AFG1L: variants seen among roughly 807,000 people sequenced by gnomAD.
AFG1L encodes the protein AFG1-like ATPase.
Under a neutral mutation model 62.2 loss-of-function variants are expected in AFG1L, and 53 were observed. The observed-to-expected ratio is 0.85, with a 90% CI of 0.68 to 1.07. The LOEUF (loss-of-function observed/expected upper bound fraction) is 1.07. Ranked by LOEUF, AFG1L falls within the 50% of genes least tolerant of loss-of-function variation. AFG1L has a pLI of 0.00. For missense variants in AFG1L, 555 were observed against 590.5 expected, an observed-to-expected ratio of 0.94 and a Z score of 0.62; for synonymous variants, 228 against 210.3, an observed-to-expected ratio of 1.08 and a Z score of -0.73.
intron 8 of AFG1L, among the ~76,000 whole-genome samples, chr6:108,460,261 AAGAG>A (rs890168755): frequency 1.3e-5 from 2 of 150,248 alleles, no homozygotes; most frequent in Non-Finnish European, 3.0e-5. Flanking sequence ...AAATAAGAAA[AAGAG>A]AGAGAGATGG....
chr6:108,443,456 TCA>T lies in AFG1L; in HGVS notation c.808-3756_808-3755del, dbSNP rs780533553. ...ACATTCAAGGAGTGGGACATAGACT[TCA>T]CTTCTTGATAACTGGAATATCAACA... is the stretch of plus-strand genomic sequence containing the variant. On this transcript the variant is annotated intron_variant, in intron 7 of 12. Coordinates refer to ENST00000368977, the MANE Select transcript of AFG1L (RefSeq NM_145315.5). Among the ~76,000 whole-genome samples the T allele has an allele frequency of 4.6e-5, 7 of 152,340 alleles. No homozygotes were observed. In the East Asian group the frequency reaches 1.2e-3, roughly 25 times the overall value.
chr6:108,507,584 G>A (rs1333820377), intron 10 of AFG1L, among the ~76,000 whole-genome samples: 2 of 152,038 alleles, frequency 1.3e-5, no homozygotes, highest in African/African-American at 4.8e-5. Flanking sequence ...ATTTTCCTTG[G>A]GCATGTAGTT....
chr6:108,429,163 A>G (rs1240069903), intron 7 of AFG1L, among the ~76,000 whole-genome samples: 4 of 152,140 alleles, frequency 2.6e-5, no homozygotes, highest in Admixed American at 1.3e-4. Flanking sequence ...TTTATTGAAT[A>G]GTGTGTCCTT....
At chr6:108,355,871 T>G (rs1339426665) in intron 4 of AFG1L, 116 bp downstream of exon 4, 1 of 737,818 alleles carries the variant, frequency 1.4e-6, no homozygotes, top group African/African-American at 1.8e-5. Flanking sequence ...CAGTAAGATT[T>G]TATTTGGTTC....
intron 7 of AFG1L, among the ~76,000 whole-genome samples, chr6:108,412,309 G>A (rs1203026990): frequency 6.6e-6 from 1 of 152,174 alleles, no homozygotes; most frequent in African/African-American, 2.4e-5. Flanking sequence ...TGAAAGTGAC[G>A]GGGAGAATGG....
intron 11 of AFG1L, among the ~76,000 whole-genome samples, chr6:108,519,311 A>G (rs1207455336): frequency 6.6e-6 from 1 of 152,182 alleles, no homozygotes; most frequent in Non-Finnish European, 1.5e-5. Flanking sequence ...ATCCTGTTGC[A>G]TTGTGGAGTA....
intron 6 of AFG1L, among the ~76,000 whole-genome samples, chr6:108,399,745 G>A (rs1437682213): frequency 7.0e-6 from 1 of 143,818 alleles, no homozygotes; most frequent in Non-Finnish European, 1.5e-5. Context: ...TGGGGAGGCT[G>A]GGGTGGGGTG....
chr6:108,300,266 A>T (rs1776933636), intron 1 of AFG1L, among the ~76,000 whole-genome samples: 1 of 151,824 alleles, frequency 6.6e-6, no homozygotes, highest in Non-Finnish European at 1.5e-5. Flanking sequence ...CTCCTGTCTC[A>T]GCTTCCTAAG....
At chr6:108,372,360 TGC>T in intron 6 of AFG1L, among the ~76,000 whole-genome samples, 1 of 151,130 alleles carries the variant, frequency 6.6e-6, no homozygotes. Flanking sequence ...GACAGAGTCT[TGC>T]TCTGCCATCC....
At chr6:108,329,075 C>G (rs1417439240) in intron 2 of AFG1L, among the ~76,000 whole-genome samples, 1 of 151,006 alleles carries the variant, frequency 6.6e-6, no homozygotes, top group East Asian at 2.0e-4. Flanking sequence ...TCCCTCCCTC[C>G]CTCCTTCCCT....
intron 7 of AFG1L, among the ~76,000 whole-genome samples, chr6:108,443,725 A>C (rs1771640302): frequency 6.6e-6 from 1 of 151,860 alleles, no homozygotes; most frequent in African/African-American, 2.4e-5. Context: ...AAATACAAAA[A>C]TTACCGGGGC....
chr6:108,512,471 G>A (rs374652067), intron 11 of AFG1L, among the ~76,000 whole-genome samples: 67 of 152,232 alleles, frequency 4.4e-4, no homozygotes, highest in African/African-American at 1.4e-3. Flanking sequence ...CCACAGACTC[G>A]ACTCTACAGT....
chr6:108,519,952 T>A, intron 12 of AFG1L, 142 bp downstream of exon 12: 1 of 518,694 alleles, frequency 1.9e-6, no homozygotes, highest in Non-Finnish European at 3.4e-6. Flanking sequence ...ATGTAGCAAA[T>A]TTATCATTCT....
Position 108,511,161 on chromosome 6 carries a change from GGAAGGAA to G in AFG1L, c.1203+826_1203+832del, listed in dbSNP as rs541781084. Among the ~76,000 whole-genome samples, 299 of 151,364 alleles carry G rather than the reference GGAAGGAA, an allele frequency of 2.0e-3. 2 individuals carry two copies. The highest frequency in any genetic ancestry group is 5.6e-3 in the African/African-American group (231 of 41,206). ...GAGGAGGAGGAGGAGGGAGGTAGGAGGAAGGAAGAAGGAAGAAGGAAGAGAAGGAGAA... is the reference window on the plus strand; with the variant it reads ...GAGGAGGAGGAGGAGGGAGGTAGGAGGAAGGAAGAAGGAAGAGAAGGAGAA... On this transcript the variant is annotated intron_variant, in intron 11 of 12. Coordinates refer to ENST00000368977, the MANE Select transcript of AFG1L (RefSeq NM_145315.5).
In AFG1L at chr6:108,510,280, G is replaced by A. The variant is rs770762851; in HGVS notation, c.1131G>A (p.Pro377=). 81 of 1,610,880 alleles carry A rather than the reference G, an allele frequency of 5.0e-5. No homozygotes were observed. Among genetic ancestry groups the A allele is most frequent in the Non-Finnish European group, 6.3e-5 (74 of 1,177,820 alleles). ...ATACAATATTTTTACGAAACATTCCGCAATTTACTCTGGCAAACAGGACTC... is the reference window on the plus strand; with the variant it reads ...ATACAATATTTTTACGAAACATTCCACAATTTACTCTGGCAAACAGGACTC... The part of the protein sequence containing the change: ...NFDTIFLRNI[P]QFTLANRTQG... Residue 377 remains proline, a synonymous_variant, in exon 11 of 13, where the codon CCG becomes CCA. Coordinates refer to ENST00000368977, the MANE Select transcript of AFG1L (RefSeq NM_145315.5).
intron 10 of AFG1L, among the ~76,000 whole-genome samples, chr6:108,509,062 T>C (rs540296445): frequency 1.3e-5 from 2 of 152,302 alleles, no homozygotes; most frequent in Admixed American, 1.3e-4. Flanking sequence ...CAACATTTGC[T>C]CATGGTTTGC....
intron 2 of AFG1L, among the ~76,000 whole-genome samples, chr6:108,325,186 G>A (rs1332911624): frequency 6.6e-6 from 1 of 152,110 alleles, no homozygotes; most frequent in Non-Finnish European, 1.5e-5. Flanking sequence ...CTTATATCAA[G>A]TTCTCCCATG....
chr6:108,372,342 T>G (rs1780046395), intron 6 of AFG1L, among the ~76,000 whole-genome samples: 1 of 151,444 alleles, frequency 6.6e-6, no homozygotes, highest in South Asian at 2.1e-4. Context: ...CTTTTTTTTT[T>G]TTTTTGAGAC....
At position 108,506,992 on chromosome 6, in the gene AFG1L, A is replaced by G. The variant is rs562728412; in HGVS notation, c.1063-3220A>G. Among the ~76,000 whole-genome samples, 24 of 152,322 alleles carry G rather than the reference A, an allele frequency of 1.6e-4. No homozygotes were observed. The South Asian group carries it at 5.0e-3, about 32-fold the overall frequency. Reference sequence around the variant, plus strand: ...GAAAACCAAAATGTCATTATTTTAAATTAGTCCTATTCTTATTGGATCTGA... The same window carrying G: ...GAAAACCAAAATGTCATTATTTTAAGTTAGTCCTATTCTTATTGGATCTGA... On this transcript the variant is annotated intron_variant, in intron 10 of 12. Transcript: ENST00000368977.
Sources: gnomAD v4.1 joint callset for allele counts (sites outside exome capture counted in the v4.1 genomes callset) on GRCh38, gnomAD v4.1.1 for gene constraint, MANE v1.5 for transcripts, NCBI Gene and HGNC (gene_info 2026-07-23, HGNC 2026-07-21) for gene names.